Variants in FRAS1 observed in about 807,000 individuals in gnomAD.
FRAS1 encodes extracellular matrix organizing protein FRAS1.
FRAS1 carries 290 observed loss-of-function variants against 435.2 expected under a neutral mutation model. The ratio of observed to expected loss-of-function variants is 0.67; its 90% CI spans 0.61 to 0.73. The LOEUF (loss-of-function observed/expected upper bound fraction) is 0.73. FRAS1 is among the 30% of genes least tolerant of loss of function. The pLI, the probability that FRAS1 is intolerant of heterozygous loss-of-function variation, is 0.00. For synonymous variants in FRAS1, 1,800 were observed against 1,851.0 expected (o/e 0.97, Z 0.71); for missense variants, 4,860 against 5,001.5 (o/e 0.97, Z 0.85).
At chr4:78,516,868 G>A (rs540956464) in intron 66 of FRAS1, among the ~76,000 whole-genome samples, 22 of 152,284 alleles carry the variant, frequency 1.4e-4, no homozygotes, top group Non-Finnish European at 2.9e-4. Context: ...AGGGATTATG[G>A]GGATTACAAT....
intron 18 of FRAS1, among the ~76,000 whole-genome samples, chr4:78,321,551 G>A (rs986559647): frequency 3.9e-5 from 6 of 152,080 alleles, no homozygotes; most frequent in Non-Finnish European, 8.8e-5. Flanking sequence ...CCTTTAAAAA[G>A]ATTAGAATCT....
rs1237566396 is a variant in FRAS1, at chr4:78,496,873, C to T, written c.9027C>T (p.Tyr3009=). ...AGCCAGAGGAACAGTTCAGGGTCTACCTCGGCCTTCCTCTTGGAAACCACT... is the reference window on the plus strand; with the variant it reads ...AGCCAGAGGAACAGTTCAGGGTCTATCTCGGCCTTCCTCTTGGAAACCACT... ...MFEPEEQFRV[Y]LGLPLGNHWS... The change falls in exon 60 of 74, where the codon TAC becomes TAT. Residue 3009 remains tyrosine (Y), a synonymous_variant. Coordinates refer to ENST00000512123, the MANE Select transcript of FRAS1 (RefSeq NM_025074.7). The T allele has an allele frequency of 6.2e-7, 1 of 1,613,740 alleles. No individual in the cohort carries two copies. Among genetic ancestry groups the T allele is most frequent in the South Asian group, 1.1e-5 (1 of 91,076 alleles).
chr4:78,159,067 G>T (rs1320660409), intron 2 of FRAS1, among the ~76,000 whole-genome samples: 2 of 152,214 alleles, frequency 1.3e-5, no homozygotes, highest in East Asian at 3.8e-4. Flanking sequence ...AGTGCCATGT[G>T]TCACATATAT....
chr4:78,191,075 T>G (rs975385295), intron 2 of FRAS1, among the ~76,000 whole-genome samples: 1 of 152,220 alleles, frequency 6.6e-6, no homozygotes, highest in East Asian at 1.9e-4. Context: ...GGAAGACTCC[T>G]CACCAGAAAA....
chr4:78,481,942 T>C lies in FRAS1; in HGVS notation c.8582T>C (p.Phe2861Ser). ...DYVPSSRKVEFGPGVIEQYCT... is the reference protein window; with the variant it reads ...DYVPSSRKVESGPGVIEQYCT... Reference sequence around the variant, plus strand: ...GTTCCCAGCTCTCGGAAGGTGGAATTTGGGCCTGGTGTCATTGAACAGGTG... The same window carrying C: ...GTTCCCAGCTCTCGGAAGGTGGAATCTGGGCCTGGTGTCATTGAACAGGTG... Residue 2861 changes from phenylalanine to serine, a missense_variant, in exon 57 of 74, where the codon TTT becomes TCT. Transcript: ENST00000512123. 1 of 1,613,856 alleles carries C rather than the reference T, an allele frequency of 6.2e-7. No homozygotes were observed. Among genetic ancestry groups the C allele is most frequent in the Non-Finnish European group, 8.5e-7 (1 of 1,179,818 alleles).
In FRAS1 at chr4:78,479,705, C is replaced by G; in HGVS notation, c.8430C>G (p.Val2810=). The G allele has an allele frequency of 6.3e-7, 1 of 1,590,002 alleles. No homozygotes were observed. The highest frequency in any genetic ancestry group is 8.6e-7 in the Non-Finnish European group (1 of 1,165,470). ...TVSLGNTAFT[V]SEDAGTVKIP... ...CCCTGGGCAACACGGCTTTCACTGT[C>G]AGTGAGGACGCAGGTAATGGAGAGT... is the stretch of plus-strand genomic sequence containing the variant. The change falls in exon 56 of 74, where the codon GTC becomes GTG. Residue 2810 remains valine (V), a synonymous_variant. Coordinates refer to ENST00000512123, the MANE Select transcript of FRAS1 (RefSeq NM_025074.7).
intron 7 of FRAS1, among the ~76,000 whole-genome samples, chr4:78,266,564 G>A (rs1286372859): frequency 6.6e-6 from 1 of 152,216 alleles, no homozygotes; most frequent in East Asian, 1.9e-4. Flanking sequence ...CCATCTCAAT[G>A]TCTCGGGTCT....
intron 5 of FRAS1, among the ~76,000 whole-genome samples, chr4:78,252,993 C>T (rs568507250): frequency 2.0e-5 from 3 of 152,214 alleles, no homozygotes; most frequent in South Asian, 2.1e-4. Context: ...CAAAATTTAC[C>T]GGGCTGGAAT....
intron 2 of FRAS1, among the ~76,000 whole-genome samples, chr4:78,208,797 A>T (rs963085950): frequency 2.0e-5 from 3 of 152,162 alleles, no homozygotes; most frequent in Non-Finnish European, 4.4e-5. Context: ...AGATGACGTT[A>T]AAACTTAGCA....
chr4:78,397,943 T>G (rs1732737628), intron 29 of FRAS1, among the ~76,000 whole-genome samples: 1 of 152,112 alleles, frequency 6.6e-6, no homozygotes, highest in Non-Finnish European at 1.5e-5. Context: ...TCTTACCCTC[T>G]TCAATGCATC....
At chr4:78,468,064 G>A (rs982933867) in intron 50 of FRAS1, among the ~76,000 whole-genome samples, 1 of 152,120 alleles carries the variant, frequency 6.6e-6, no homozygotes, top group African/African-American at 2.4e-5. Flanking sequence ...CTGTGCAGAA[G>A]CCTTTTAACT....
intron 28 of FRAS1, 47 bp downstream of exon 28, chr4:78,384,190 T>C (rs772769728): frequency 1.6e-6 from 2 of 1,239,892 alleles, no homozygotes; most frequent in East Asian, 5.1e-5. Context: ...GACTACTAGT[T>C]CTCAAGCACG....
chr4:78,513,464 C>G lies in FRAS1; in HGVS notation c.10086C>G (p.Asn3362Lys). ...LPLISTMPLH[N>K]LHFLLSESIY... Reference sequence around the variant, plus strand: ...TTATCTCCACCATGCCGTTGCACAACTTACATTTTCTACTGTCTGAGTCCA... The same window carrying G: ...TTATCTCCACCATGCCGTTGCACAAGTTACATTTTCTACTGTCTGAGTCCA... Residue 3362 changes from asparagine to lysine, a missense_variant, in exon 65 of 74, where the codon AAC becomes AAG. Physicochemically the swap from Asn to Lys is moderately conservative, Grantham distance 94. Transcript: ENST00000512123. 1 of 1,613,928 alleles carries G rather than the reference C, an allele frequency of 6.2e-7. No individual in the cohort carries two copies. Among genetic ancestry groups the G allele is most frequent in the Non-Finnish European group, 8.5e-7 (1 of 1,179,830 alleles).
intron 2 of FRAS1, among the ~76,000 whole-genome samples, chr4:78,230,385 A>G (rs941454631): frequency 3.3e-5 from 5 of 152,228 alleles, no homozygotes; most frequent in African/African-American, 9.6e-5. Context: ...TCTTAGCGGT[A>G]AGTGTCCTCT....
At chr4:78,430,148 C>A in intron 36 of FRAS1, 144 bp from the exon 37 acceptor site, 1 of 912,924 alleles carries the variant, frequency 1.1e-6, no homozygotes, top group Non-Finnish European at 1.7e-6. Context: ...CTCTTTTGTG[C>A]CTGATTGGAA....
chr4:78,156,848 G>T (rs1053565180), intron 2 of FRAS1, among the ~76,000 whole-genome samples: 1 of 152,108 alleles, frequency 6.6e-6, no homozygotes, highest in Non-Finnish European at 1.5e-5. Context: ...TTCCAGAAGC[G>T]GGGGATGGAA....
At chr4:78,205,587 G>A (rs1249429045) in intron 2 of FRAS1, among the ~76,000 whole-genome samples, 5 of 152,220 alleles carry the variant, frequency 3.3e-5, no homozygotes, top group African/African-American at 7.2e-5. Context: ...TCTACCCAAT[G>A]TGTAATCTAG....
chr4:78,152,159 A>G (rs2110012833), intron 2 of FRAS1, among the ~76,000 whole-genome samples: 1 of 152,318 alleles, frequency 6.6e-6, no homozygotes, highest in South Asian at 2.1e-4. Flanking sequence ...AGGAAAATAA[A>G]TGTCAGTGTT....
chr4:78,258,339 CAAAA>C (rs33932507), intron 6 of FRAS1, among the ~76,000 whole-genome samples: 23 of 139,922 alleles, frequency 1.6e-4, no homozygotes, highest in East Asian at 2.0e-4. Flanking sequence ...AGACCTGTAT[CAAAA>C]AAAAAAAAAA....
Sources: allele counts gnomAD v4.1 joint callset (sites outside exome capture counted in the v4.1 genomes callset), GRCh38; gene constraint gnomAD v4.1.1; transcripts MANE v1.5; gene names NCBI Gene and HGNC (gene_info 2026-07-23, HGNC 2026-07-21).